SNTG1: variants seen among roughly 807,000 people sequenced by gnomAD.
SNTG1 encodes syntrophin gamma 1.
In SNTG1, 39 loss-of-function variants were observed where a neutral mutation model predicts 74.7. That is an observed-to-expected ratio of 0.52 (90% CI 0.40 to 0.68). The LOEUF (loss-of-function observed/expected upper bound fraction) is 0.68. Among genes scored for constraint, SNTG1 ranks in the 30% least tolerant of loss-of-function variants. The pLI is 0.00. For missense variants in SNTG1, 685 were observed against 609.5 expected (o/e 1.12, Z -1.30); for synonymous variants, 254 against 217.1 (o/e 1.17, Z -1.49).
intron 1 of SNTG1, among the ~76,000 whole-genome samples, chr8:50,031,758 T>C (rs1373595143): frequency 1.3e-5 from 2 of 152,102 alleles, no homozygotes; most frequent in Non-Finnish European, 2.9e-5. Context: ...TTTTTATCTA[T>C]ATTTATGAAT....
chr8:49,937,707 C>G (rs1324782592), intron 1 of SNTG1, among the ~76,000 whole-genome samples: 1 of 152,078 alleles, frequency 6.6e-6, no homozygotes, highest in Non-Finnish European at 1.5e-5. Flanking sequence ...CAACTAATGA[C>G]AAGGGAAACC....
At chr8:50,695,822 G>A (rs546105264) in intron 15 of SNTG1, among the ~76,000 whole-genome samples, 1 of 151,404 alleles carries the variant, frequency 6.6e-6, no homozygotes, top group South Asian at 2.1e-4. Flanking sequence ...TAATGGATGA[G>A]TAGTATTGAA....
intron 17 of SNTG1, 45 bp from the exon 18 acceptor site, chr8:50,751,956 G>A (rs201606644): frequency 8.6e-7 from 1 of 1,166,870 alleles, no homozygotes; most frequent in Non-Finnish European, 1.2e-6. Context: ...TTTGAAAGCA[G>A]ATATTAATTC....
At chr8:50,684,499 A>C (rs1422977082) in intron 15 of SNTG1, among the ~76,000 whole-genome samples, 2 of 152,126 alleles carry the variant, frequency 1.3e-5, no homozygotes, top group African/African-American at 4.8e-5. Context: ...TTTCAATAAT[A>C]ATGTCTTAGG....
intron 18 of SNTG1, among the ~76,000 whole-genome samples, chr8:50,791,851 T>C (rs979446553): frequency 6.6e-6 from 1 of 151,840 alleles, no homozygotes; most frequent in Non-Finnish European, 1.5e-5. Context: ...TTATTGATGG[T>C]CTTTAATAAT....
intron 13 of SNTG1, among the ~76,000 whole-genome samples, chr8:50,599,585 T>C (rs1030811928): frequency 1.1e-4 from 17 of 151,996 alleles, no homozygotes; most frequent in African/African-American, 4.1e-4. Flanking sequence ...TTCTTTGTTA[T>C]TTGTGACTAT....
chr8:50,378,475 C>T (rs2092426540), intron 2 of SNTG1, among the ~76,000 whole-genome samples: 1 of 152,110 alleles, frequency 6.6e-6, no homozygotes, highest in South Asian at 2.1e-4. Flanking sequence ...TTAGCCCTGC[C>T]AGTTGATAGA....
chr8:50,636,304 C>T (rs905086777), intron 13 of SNTG1, among the ~76,000 whole-genome samples: 1 of 151,850 alleles, frequency 6.6e-6, no homozygotes, highest in Admixed American at 6.6e-5. Context: ...CTCACTAGGT[C>T]ATATGCCCTC....
chr8:50,011,519 A>G (rs145380660), intron 1 of SNTG1, among the ~76,000 whole-genome samples: 1 of 152,066 alleles, frequency 6.6e-6, no homozygotes, highest in East Asian at 1.9e-4. Context: ...CCTCTTAAGT[A>G]TTTCTTTATT....
chr8:49,935,538 A>AAT (rs1376360353), intron 1 of SNTG1, among the ~76,000 whole-genome samples: 1 of 151,440 alleles, frequency 6.6e-6, no homozygotes. Context: ...AAAAAAAAAA[A>AAT]AGAAAAAGAA....
chr8:50,417,198 C>T lies in SNTG1; in HGVS notation c.162+14854C>T, dbSNP rs556755983. 4.6e-5 allele frequency among the ~76,000 whole-genome samples: 7 copies of T among 152,202 alleles called. No individual in the cohort carries two copies. In the South Asian group the frequency reaches 1.5e-3, roughly 32 times the overall value. ...GACATCAATAAAATCAAAGCAATTG[C>T]TTATATACACAAGTTGGAACATCTC... On this transcript the variant is annotated intron_variant, in intron 4 of 18. Transcript: ENST00000642720.
intron 13 of SNTG1, among the ~76,000 whole-genome samples, chr8:50,606,803 T>G (rs2094816097): frequency 6.6e-6 from 1 of 151,894 alleles, no homozygotes; most frequent in Non-Finnish European, 1.5e-5. Context: ...GTTAAATGCC[T>G]TTTCTGTGAC....
intron 2 of SNTG1, among the ~76,000 whole-genome samples, chr8:50,328,928 G>T (rs115387913): frequency 0.01 from 1,595 of 152,256 alleles, 30 homozygotes; most frequent in African/African-American, 0.036. Context: ...TCAAAAACAA[G>T]TTAGGTACTT....
At chr8:50,674,981 G>A (rs2095303462) in intron 15 of SNTG1, among the ~76,000 whole-genome samples, 1 of 152,098 alleles carries the variant, frequency 6.6e-6, no homozygotes, top group Admixed American at 6.6e-5. Flanking sequence ...GTGTTTGAGT[G>A]AGTTTCTTAA....
chr8:50,437,691 T>C (rs79292062), intron 4 of SNTG1, among the ~76,000 whole-genome samples: 16 of 152,222 alleles, frequency 1.1e-4, no homozygotes, highest in Non-Finnish European at 1.5e-4. Context: ...TGATTCTGCA[T>C]AGGGGAATGT....
Position 49,969,663 on chromosome 8 carries a change from C to T in SNTG1, c.-103+57432C>T, listed in dbSNP as rs147726107. ...CCACCGGCCTCGTTCTCCCAAAGTGCTCAGATTACAGGAGTGAGTCACCAT... is the reference window on the plus strand; with the variant it reads ...CCACCGGCCTCGTTCTCCCAAAGTGTTCAGATTACAGGAGTGAGTCACCAT... On this transcript the variant is annotated intron_variant, in intron 1 of 18. Coordinates refer to ENST00000642720, the MANE Select transcript of SNTG1 (RefSeq NM_018967.5). 7.8e-4 allele frequency among the ~76,000 whole-genome samples: 118 copies of T among 152,104 alleles called. 3 individuals carry two copies. In the East Asian group the frequency reaches 0.02, roughly 25 times the overall value.
intron 2 of SNTG1, among the ~76,000 whole-genome samples, chr8:50,361,565 C>T (rs986576380): frequency 6.6e-6 from 1 of 152,216 alleles, no homozygotes; most frequent in Admixed American, 6.5e-5. Flanking sequence ...GACTCAAAGT[C>T]GCTGGGATTA....
chr8:50,501,432 T>G lies in SNTG1; in HGVS notation c.364-1346T>G, dbSNP rs981643593. Among the ~76,000 whole-genome samples the G allele has an allele frequency of 1.3e-3, 162 of 122,184 alleles. 1 individual carries two copies. The highest frequency in any genetic ancestry group is 4.9e-3 in the African/African-American group (153 of 30,924). The allele number at this position is 122,184 out of a possible 152,430, so 80.2% of individuals were successfully genotyped here. A position where few individuals can be genotyped will look rare whatever the true frequency, so the allele number is the denominator to read the frequency against. The stretch of plus-strand genomic sequence containing the variant: ...AGAGAGATGAGCCTGTGCGTTTTTT[T>G]TTTTTTTTTTTTTTTTTTTTTTCAC... On this transcript the variant is annotated intron_variant, in intron 8 of 18. Transcript: ENST00000642720.
chr8:50,684,676 T>C (rs960666748), intron 15 of SNTG1, among the ~76,000 whole-genome samples: 18 of 151,954 alleles, frequency 1.2e-4, no homozygotes, highest in African/African-American at 3.4e-4. Flanking sequence ...TATAAAAAAG[T>C]ATTTTCCCTT....
Sources: gnomAD v4.1 joint callset for allele counts (sites outside exome capture counted in the v4.1 genomes callset) on GRCh38, gnomAD v4.1.1 for gene constraint, MANE v1.5 for transcripts, NCBI Gene and HGNC (gene_info 2026-07-23, HGNC 2026-07-21) for gene names.